Variants in DAB1 observed in about 807,000 individuals in gnomAD.
DAB1 encodes disabled homolog 1.
Under a neutral mutation model 64.6 loss-of-function variants are expected in DAB1, and 15 were observed. The ratio of observed to expected loss-of-function variants is 0.23; its 90% confidence interval spans 0.16 to 0.36. The LOEUF is 0.36. DAB1 is among the 10% of genes least tolerant of loss of function. The pLI is 1.00. For missense variants in DAB1, 596 were observed against 706.7 expected (o/e 0.84, Z 1.78); for synonymous variants, 235 against 251.9 (o/e 0.93, Z 0.64).
intron 7 of DAB1, among the ~76,000 whole-genome samples, chr1:57,566,445 T>C (rs901785886): frequency 2.6e-5 from 4 of 152,052 alleles, no homozygotes; most frequent in Admixed American, 2.0e-4. Flanking sequence ...CTGAAGATGA[T>C]AGAGACACAA....
chr1:58,092,332 CAAA>C (rs34905465), intron 5 of DAB1, among the ~76,000 whole-genome samples: 3 of 128,300 alleles, frequency 2.3e-5, no homozygotes, highest in East Asian at 2.1e-4. Context: ...GACTCCGTCT[CAAA>C]AAAAAAAAAA....
intron 1 of DAB1, among the ~76,000 whole-genome samples, chr1:57,368,228 C>T (rs1680219004): frequency 6.6e-6 from 1 of 152,222 alleles, no homozygotes; most frequent in Admixed American, 6.5e-5. Context: ...CAGTGCTGGC[C>T]TGCAGGGGGC....
At chr1:57,238,529 G>A (rs169101) in intron 2 of DAB1, among the ~76,000 whole-genome samples, 2,148 of 152,170 alleles carry the variant, frequency 0.014, 51 homozygotes, top group African/African-American at 0.048. Context: ...AAGTCAGTAA[G>A]GTCTTGTGAT....
chr1:58,083,358 T>C (rs1311458604), intron 5 of DAB1, among the ~76,000 whole-genome samples: 1 of 152,206 alleles, frequency 6.6e-6, no homozygotes, highest in Non-Finnish European at 1.5e-5. Flanking sequence ...AGCATTTCAG[T>C]CTTTCTACTC....
intron 3 of DAB1, among the ~76,000 whole-genome samples, chr1:58,389,571 C>G (rs1644460260): frequency 6.6e-6 from 1 of 152,236 alleles, no homozygotes; most frequent in Non-Finnish European, 1.5e-5. Context: ...TCTACTTACA[C>G]TTACATCACC....
At chr1:58,477,797 G>C (rs1020453557) in intron 3 of DAB1, among the ~76,000 whole-genome samples, 2 of 152,118 alleles carry the variant, frequency 1.3e-5, no homozygotes, top group Non-Finnish European at 1.5e-5. Context: ...GCACACTGCT[G>C]GGCTTTTCTG....
chr1:57,167,983 C>A (rs1187993884), intron 2 of DAB1, among the ~76,000 whole-genome samples: 1 of 152,180 alleles, frequency 6.6e-6, no homozygotes, highest in Non-Finnish European at 1.5e-5. Context: ...ACTGGAGAGA[C>A]TTTTGATTTC....
intron 5 of DAB1, among the ~76,000 whole-genome samples, chr1:58,016,678 T>C (rs927732587): frequency 6.6e-6 from 1 of 152,104 alleles, no homozygotes; most frequent in African/African-American, 2.4e-5. Flanking sequence ...CGACCTTAAT[T>C]GCCTCTATTG....
intron 4 of DAB1, among the ~76,000 whole-genome samples, chr1:58,179,459 T>C (rs567917933): frequency 2.6e-5 from 4 of 152,148 alleles, no homozygotes; most frequent in African/African-American, 9.6e-5. Context: ...TAAAGCCATC[T>C]AGGCTGGGGC....
intron 7 of DAB1, among the ~76,000 whole-genome samples, chr1:57,555,572 A>C (rs1644978846): frequency 6.6e-6 from 1 of 152,090 alleles, no homozygotes; most frequent in African/African-American, 2.4e-5. Context: ...GCTAATCAGC[A>C]ATGGTCATTT....
chr1:57,957,642 C>T (rs991629407), intron 5 of DAB1, among the ~76,000 whole-genome samples: 1 of 152,100 alleles, frequency 6.6e-6, no homozygotes, highest in Non-Finnish European at 1.5e-5. Flanking sequence ...AAAGCAGAAT[C>T]CTGGACCACA....
intron 3 of DAB1, among the ~76,000 whole-genome samples, chr1:58,363,744 A>G (rs1644189414): frequency 6.6e-6 from 1 of 152,266 alleles, no homozygotes; most frequent in Admixed American, 6.5e-5. Context: ...AAGAAAGGTC[A>G]GCATGGATCA....
chr1:57,018,744 A>G (rs1183209046), intron 11 of DAB1, among the ~76,000 whole-genome samples: 2 of 152,152 alleles, frequency 1.3e-5, no homozygotes, highest in African/African-American at 4.8e-5. Context: ...TTAAATGCAT[A>G]TATGGTACTT....
chr1:58,358,833 TTC>T (rs1329214872), intron 3 of DAB1, among the ~76,000 whole-genome samples: 1 of 151,770 alleles, frequency 6.6e-6, no homozygotes, highest in Non-Finnish European at 1.5e-5. Context: ...CTTTCTGTCT[TTC>T]TCTCTCACTC....
intron 2 of DAB1, among the ~76,000 whole-genome samples, chr1:57,243,752 C>T (rs1668666443): frequency 6.6e-6 from 1 of 152,188 alleles, no homozygotes; most frequent in South Asian, 2.1e-4. Context: ...ACTGCCTACA[C>T]CATGAGACAT....
chr1:57,322,872 C>G (rs1675834243), intron 1 of DAB1, among the ~76,000 whole-genome samples: 1 of 152,140 alleles, frequency 6.6e-6, no homozygotes, highest in African/African-American at 2.4e-5. Flanking sequence ...ACATCCCAAC[C>G]AAGTAAATCA....
At chr1:57,677,084 A>G (rs1646576769) in intron 6 of DAB1, among the ~76,000 whole-genome samples, 1 of 152,178 alleles carries the variant, frequency 6.6e-6, no homozygotes, top group African/African-American at 2.4e-5. Context: ...CAGTGTCCTT[A>G]TAAGAAGAGA....
chr1:57,123,805 G>C (rs912027008), intron 4 of DAB1, among the ~76,000 whole-genome samples: 5 of 152,122 alleles, frequency 3.3e-5, no homozygotes, highest in African/African-American at 1.2e-4. Flanking sequence ...AAAGCAGCGT[G>C]TATAGTTTAA....
At chr1:57,308,641 C>G (rs1296650439) in intron 1 of DAB1, among the ~76,000 whole-genome samples, 1 of 152,134 alleles carries the variant, frequency 6.6e-6, no homozygotes, top group Admixed American at 6.5e-5. Context: ...TGGCATATTG[C>G]CACAAAATCA....
Sources: allele counts gnomAD v4.1 joint callset (sites outside exome capture counted in the v4.1 genomes callset), GRCh38; gene constraint gnomAD v4.1.1; transcripts MANE v1.5; gene names NCBI Gene and HGNC (gene_info 2026-07-23, HGNC 2026-07-21).